TP73: variants seen among roughly 807,000 people sequenced by gnomAD.
The protein encoded by TP73 is tumor protein p73, also known as p53-like transcription factor.
TP73 carries 25 observed loss-of-function variants against 62.5 expected under a neutral mutation model. That is an observed-to-expected ratio of 0.40 (90% CI 0.29 to 0.56). The LOEUF is 0.56. TP73 is among the 20% of genes least tolerant of loss of function. The pLI, the probability that TP73 is intolerant of heterozygous loss-of-function variation, is 0.46. For missense variants in TP73, 754 were observed against 913.3 expected, an observed-to-expected ratio of 0.83 and a Z score of 2.25; for synonymous variants, 423 against 377.5, an observed-to-expected ratio of 1.12 and a Z score of -1.40.
chr1:3,727,276 C>A, intron 7 of TP73, 52 bp downstream of exon 7: 1 of 1,540,176 alleles, frequency 6.5e-7, no homozygotes. Context: ...GCAGGCACGG[C>A]CGGGGGAGAA....
In TP73 at chr1:3,670,739, G is replaced by A. The variant is rs908328032; in HGVS notation, c.-33-11594G>A. ...TGAGGAGAAATGAGGAGGAAGTCGA[G>A]CAATTTAACCCCAAATGGTGCTTCT... On this transcript the variant is annotated intron_variant, in intron 1 of 13. Transcript: ENST00000378295. This position sits in a 1 kb window ranked among gnomAD's most constrained non-coding sequence, Gnocchi z 5.9. 1.3e-5 allele frequency among the ~76,000 whole-genome samples: 2 copies of A among 152,198 alleles called. No individual in the cohort carries two copies. Among genetic ancestry groups the A allele is most frequent in the Non-Finnish European group, 2.9e-5 (2 of 68,034 alleles).
At chr1:3,728,097 G>C in intron 8 of TP73, 32 bp from the exon 9 acceptor site, 1 of 1,590,528 alleles carries the variant, frequency 6.3e-7, no homozygotes, top group Non-Finnish European at 8.5e-7. Flanking sequence ...GGTCCTGCCT[G>C]CTCACCCCGC....
chr1:3,658,043 T>C (rs991663887), intron 1 of TP73, among the ~76,000 whole-genome samples: 1 of 151,522 alleles, frequency 6.6e-6, no homozygotes, highest in African/African-American at 2.4e-5. Context: ...TCTCAGGGAG[T>C]TGGACAGAGA....
chr1:3,722,687 CACA>C (rs1641166837), intron 5 of TP73, among the ~76,000 whole-genome samples: 2 of 111,124 alleles, frequency 1.8e-5, no homozygotes, highest in African/African-American at 1.3e-4. Flanking sequence ...CTGCACCTGG[CACA>C]GGGGTGGGCA....
In TP73 at chr1:3,732,972, C is replaced by T. The variant is rs765838798; in HGVS notation, c.1804C>T (p.Pro602Ser). Residue 602 changes from proline to serine, a missense_variant, in exon 14 of 14, where the codon CCA (proline) becomes TCA (serine). Coordinates refer to ENST00000378295, the MANE Select transcript of TP73 (RefSeq NM_005427.4). ...HTITIPNRGG[P>S]GGGPDEWADF... ...CATCACCATCCCCAACCGCGGCGGC[C>T]CAGGCGGCGGCCCTGACGAGTGGGC... 4.4e-6 allele frequency: 7 copies of T among 1,600,860 alleles called. No individual in the cohort carries two copies. Among genetic ancestry groups the T allele is most frequent in the Non-Finnish European group, 6.0e-6 (7 of 1,176,268 alleles).
chr1:3,712,538 T>C (rs982267917), intron 4 of TP73: 2 of 152,166 alleles, frequency 1.3e-5, no homozygotes, highest in Admixed American at 6.5e-5. Context: ...CACTGCCTGG[T>C]TCTTGGAGGA....
At chr1:3,657,141 C>A (rs565831158) in intron 1 of TP73, among the ~76,000 whole-genome samples, 1 of 152,320 alleles carries the variant, frequency 6.6e-6, no homozygotes, top group East Asian at 1.9e-4. Flanking sequence ...CAAATGACCA[C>A]AAATTAAGTG....
chr1:3,724,337 A>T (rs1641334434), intron 6 of TP73, among the ~76,000 whole-genome samples: 1 of 151,758 alleles, frequency 6.6e-6, no homozygotes, highest in Non-Finnish European at 1.5e-5. Flanking sequence ...TCCATGCTGT[A>T]CCCAGCCCCA....
chr1:3,673,591 C>T (rs773743336), intron 1 of TP73, among the ~76,000 whole-genome samples: 1 of 152,174 alleles, frequency 6.6e-6, no homozygotes, highest in African/African-American at 2.4e-5. Context: ...ACAGCTAGAG[C>T]GCGGCAGAGG....
At position 3,677,689 on chromosome 1, in the gene TP73, C is replaced by CT. The variant is rs1215137164; in HGVS notation, c.-33-4644_-33-4643insT. ...CTCATTTATTTCATTTCCTTCCTTC[C>CT]CTTTTTTTTTTTTTTTTTTTTAGAG... On this transcript the variant is annotated intron_variant, in intron 1 of 13. Coordinates refer to ENST00000378295, the MANE Select transcript of TP73 (RefSeq NM_005427.4). Among the ~76,000 whole-genome samples the CT allele has an allele frequency of 9.4e-3, 1,294 of 137,252 alleles. 32 individuals are homozygous for CT. Among genetic ancestry groups the CT allele is most frequent in the South Asian group, 0.015 (65 of 4,288 alleles). 90.0% of individuals were successfully genotyped at this position (137,252 alleles called of 152,430 possible). A position where few individuals can be genotyped will look rare whatever the true frequency, so the allele number is the denominator to read the frequency against.
At chr1:3,720,275 C>T (rs1640965375) in intron 4 of TP73, among the ~76,000 whole-genome samples, 1 of 152,204 alleles carries the variant, frequency 6.6e-6, no homozygotes, top group Non-Finnish European at 1.5e-5. Flanking sequence ...ATGATGGTTC[C>T]TTCCTGTGTT....
Position 3,723,376 on chromosome 1 carries a change from C to T in TP73, c.639C>T (p.His213=), listed in dbSNP as rs138452207. The change falls in exon 6 of 14, where the codon CAC becomes CAT. Residue 213 remains histidine, a synonymous_variant. Transcript: ENST00000378295. ...CAGGACAGTCTGCTCCAGCCAGCCACCTCATCCGCGTGGAAGGCAATAATC... is the reference window on the plus strand; with the variant it reads ...CAGGACAGTCTGCTCCAGCCAGCCATCTCATCCGCGTGGAAGGCAATAATC... ...FNEGQSAPAS[H]LIRVEGNNLS... The T allele has an allele frequency of 1.5e-5, 24 of 1,612,552 alleles. No homozygotes were observed. In the African/African-American group the frequency reaches 1.9e-4, roughly 13 times the overall value.
intron 3 of TP73, among the ~76,000 whole-genome samples, chr1:3,703,524 C>T (rs1441391329): frequency 6.6e-6 from 1 of 152,244 alleles, no homozygotes; most frequent in South Asian, 2.1e-4. Flanking sequence ...GGGCCTGGCT[C>T]ACTCCCGCTG....
chr1:3,660,364 C>T lies in TP73; in HGVS notation c.-34+7723C>T, dbSNP rs190200978. Among the ~76,000 whole-genome samples, 4 of 152,338 alleles carry T rather than the reference C, an allele frequency of 2.6e-5. No individual in the cohort carries two copies. The East Asian group carries it at 5.8e-4, about 22-fold the overall frequency. On this transcript the variant is annotated intron_variant, in intron 1 of 13. Coordinates refer to ENST00000378295, the MANE Select transcript of TP73 (RefSeq NM_005427.4). ...GGTTTCATTGGCTCCATAAAGTCAA[C>T]CTTAGTTCCTTAAAGCTACTCACAT...
intron 3 of TP73, among the ~76,000 whole-genome samples, chr1:3,701,000 AGGCAGCCTGGACCCTG>A (rs1308421159): frequency 6.6e-6 from 1 of 152,210 alleles, no homozygotes; most frequent in Non-Finnish European, 1.5e-5. Flanking sequence ...ATTCTGAGGA[AGGCAGCCTGGACCCTG>A]GGCACTGTCT....
At chr1:3,712,546 G>A (rs1640237370) in intron 4 of TP73, 1 of 152,342 alleles carries the variant, frequency 6.6e-6, no homozygotes, top group African/African-American at 2.4e-5. Flanking sequence ...GGTTCTTGGA[G>A]GAGACAGGAG....
Position 3,672,110 on chromosome 1 carries a change from G to C in TP73, c.-33-10223G>C, listed in dbSNP as rs985354411. ...AGACATGTCCACTGGTGCAGCGGGC[G>C]TGTCCCAGACCCCTTAGAGAAAAGC... is the stretch of plus-strand genomic sequence containing the variant. On this transcript the variant is annotated intron_variant, in intron 1 of 13. Transcript: ENST00000378295. The surrounding 1 kb of genome is among the most constrained non-coding windows in gnomAD (Gnocchi z 5.3). Among the ~76,000 whole-genome samples, 1 of 152,126 alleles carries C rather than the reference G, an allele frequency of 6.6e-6. No individual in the cohort carries two copies. The highest frequency in any genetic ancestry group is 1.5e-5 in the Non-Finnish European group (1 of 68,008).
chr1:3,720,250 C>G (rs1640961194), intron 4 of TP73, among the ~76,000 whole-genome samples: 1 of 152,216 alleles, frequency 6.6e-6, no homozygotes, highest in Non-Finnish European at 1.5e-5. Flanking sequence ...CCCAGCCTCC[C>G]CTGCAGGGCT....
chr1:3,709,952 G>T (rs1639991630), intron 4 of TP73, among the ~76,000 whole-genome samples: 1 of 152,150 alleles, frequency 6.6e-6, no homozygotes, highest in South Asian at 2.1e-4. Flanking sequence ...CCCATCTAGG[G>T]TATCTGCCAC....
Sources: gnomAD v4.1 joint callset for allele counts (sites outside exome capture counted in the v4.1 genomes callset) on GRCh38, gnomAD v4.1.1 for gene constraint, Gnocchi (gnomAD v3.1) non-coding constraint, MANE v1.5 for transcripts, NCBI Gene and HGNC (gene_info 2026-07-23, HGNC 2026-07-21) for gene names.